Variants in IQSEC1 observed in about 807,000 individuals in gnomAD.
IQSEC1 encodes IQ motif and Sec7 domain ArfGEF 1.
IQSEC1 carries 31 observed loss-of-function variants against 91.0 expected under a neutral mutation model. The observed-to-expected ratio is 0.34, with a 90% CI of 0.26 to 0.46. IQSEC1 has a LOEUF of 0.46. IQSEC1 is among the 20% of genes least tolerant of loss of function. IQSEC1 has a pLI of 1.00. For missense variants in IQSEC1, 1,388 were observed against 1,575.6 expected (o/e 0.88, Z 2.02); for synonymous variants, 699 against 662.6 (o/e 1.05, Z -0.84).
intron 2 of IQSEC1, among the ~76,000 whole-genome samples, chr3:13,111,933 C>T (rs948184431): frequency 6.6e-5 from 10 of 152,202 alleles, no homozygotes; most frequent in African/African-American, 2.4e-4. Context: ...CAGACTAATA[C>T]ACTGGGTGAT....
intron 1 of IQSEC1, among the ~76,000 whole-genome samples, chr3:13,057,420 AAC>A (rs1476056270): frequency 4.6e-5 from 7 of 152,196 alleles, no homozygotes; most frequent in Non-Finnish European, 8.8e-5. Flanking sequence ...CTCAACCCAC[AAC>A]ACACACTCAG....
intron 1 of IQSEC1, among the ~76,000 whole-genome samples, chr3:13,172,804 G>T (rs904680835): frequency 3.3e-5 from 5 of 152,166 alleles, no homozygotes; most frequent in Non-Finnish European, 7.3e-5. Flanking sequence ...CGGCCAGTAC[G>T]GTGAGCTCTG....
At chr3:13,036,707 C>T (rs928416224) in intron 1 of IQSEC1, among the ~76,000 whole-genome samples, 5 of 152,190 alleles carry the variant, frequency 3.3e-5, no homozygotes, top group South Asian at 2.1e-4. Context: ...CTTGGAATCC[C>T]GTCCACTGAG....
intron 1 of IQSEC1, among the ~76,000 whole-genome samples, chr3:13,046,456 C>T (rs955174728): frequency 6.6e-6 from 1 of 152,234 alleles, no homozygotes; most frequent in African/African-American, 2.4e-5. Flanking sequence ...GTTTCAGAGT[C>T]GGTCGCTCTG....
At chr3:13,231,741 C>T (rs182363921) in intron 1 of IQSEC1, among the ~76,000 whole-genome samples, 2 of 152,300 alleles carry the variant, frequency 1.3e-5, no homozygotes, top group African/African-American at 4.8e-5. Context: ...ATGCCAAGAC[C>T]CTAACTCTGA....
chr3:13,089,364 G>T (rs1705797627), intron 2 of IQSEC1, among the ~76,000 whole-genome samples: 3 of 152,214 alleles, frequency 2.0e-5, no homozygotes, highest in African/African-American at 7.2e-5. Context: ...AGAATTACTT[G>T]AGCCCAGGAG....
chr3:13,211,663 C>T lies in IQSEC1; in HGVS notation c.273-47530G>A, dbSNP rs1366512619. On this transcript the variant is annotated intron_variant, in intron 1 of 15. Coordinates refer to the IQSEC1 transcript ENST00000648114. The surrounding 1 kb of genome is among the most constrained non-coding windows in gnomAD (Gnocchi z 5.3). ...CCTATCCCTGAAGGCCAGGCCAGGA[C>T]CCACGAACTGGCACCACCCCAGCCC... Among the ~76,000 whole-genome samples the T allele has an allele frequency of 1.3e-5, 2 of 152,194 alleles. No individual in the cohort carries two copies. The highest frequency in any genetic ancestry group is 4.8e-5 in the African/African-American group (2 of 41,452).
rs375815768 is a variant in IQSEC1 at position 13,170,324 on chromosome 3, C to A, written c.273-6191G>T. Among the ~76,000 whole-genome samples, 26 of 152,362 alleles carry A rather than the reference C, an allele frequency of 1.7e-4. 3 individuals carry two copies. Among genetic ancestry groups the A allele is most frequent in the Admixed American group, 8.5e-4 (13 of 15,306 alleles). ...CTAGATTTCAGAGGATGTATGGAAA[C>A]GCATGGATGCCCAGGCAGAAGTTTG... is the stretch of plus-strand genomic sequence containing the variant. On this transcript the variant is annotated intron_variant, in intron 1 of 15. Transcript: ENST00000648114.
Position 12,922,045 on chromosome 3 carries a change from G to C in IQSEC1, c.1853+75C>G, listed in dbSNP as rs1052467801. The C allele has an allele frequency of 3.2e-5, 47 of 1,476,312 alleles. No individual in the cohort carries two copies. Among genetic ancestry groups the C allele is most frequent in the Non-Finnish European group, 4.3e-5 (47 of 1,104,014 alleles). 91.5% of individuals were successfully genotyped at this position (1,476,312 alleles called of 1,614,324 possible). On this transcript the variant is annotated intron_variant, in intron 5 of 13. Coordinates refer to ENST00000613206, the MANE Select transcript of IQSEC1 (RefSeq NM_001134382.3). This position sits in a 1 kb window ranked among gnomAD's most constrained non-coding sequence, Gnocchi z 5.1. ...AGGGATGGTGGGGATGCAGTCTTTG[G>C]TCCATCCTCGGGCCCTGAAGCTGGG...
chr3:13,036,268 C>T (rs1704031957), intron 1 of IQSEC1, among the ~76,000 whole-genome samples: 1 of 152,086 alleles, frequency 6.6e-6, no homozygotes, highest in South Asian at 2.1e-4. Flanking sequence ...TGATAAACTG[C>T]ACTCCATTTC....
At chr3:13,245,296 T>C (rs1465139512) in intron 1 of IQSEC1, among the ~76,000 whole-genome samples, 2 of 152,130 alleles carry the variant, frequency 1.3e-5, no homozygotes, top group African/African-American at 2.4e-5. Context: ...ACCGATGCAG[T>C]GTTAGGGCTC....
chr3:12,967,939 G>GGGGCC lies in IQSEC1; in HGVS notation c.24-26079_24-26075dup, dbSNP rs1319411729. 6.6e-6 allele frequency among the ~76,000 whole-genome samples: 1 copy of GGGGCC among 151,796 alleles called. No individual in the cohort carries two copies. Among genetic ancestry groups the GGGGCC allele is most frequent in the Non-Finnish European group, 1.5e-5 (1 of 67,784 alleles). ...CAGGGGCGGGGCTACGCGCAGGGGC[G>GGGGCC]GGGCCGAGCCGAGGCGCGGGGTGCA... On this transcript the variant is annotated intron_variant, in intron 1 of 13. Coordinates refer to ENST00000613206, the MANE Select transcript of IQSEC1 (RefSeq NM_001134382.3). The surrounding 1 kb of genome is among the most constrained non-coding windows in gnomAD (Gnocchi z 5.9).
chr3:13,040,599 T>C (rs989332268), intron 1 of IQSEC1, among the ~76,000 whole-genome samples: 2 of 152,208 alleles, frequency 1.3e-5, no homozygotes, highest in Non-Finnish European at 2.9e-5. Context: ...AGATCCTTCA[T>C]GGGCTCCCCA....
chr3:12,906,793 A>C (rs1695035724), intron 12 of IQSEC1, among the ~76,000 whole-genome samples: 1 of 152,246 alleles, frequency 6.6e-6, no homozygotes, highest in Non-Finnish European at 1.5e-5. Flanking sequence ...CGGTTCTGGC[A>C]GAACTGCTGC....
chr3:13,159,479 G>A (rs1483474233), intron 2 of IQSEC1, among the ~76,000 whole-genome samples: 1 of 152,144 alleles, frequency 6.6e-6, no homozygotes, highest in Non-Finnish European at 1.5e-5. Flanking sequence ...AGTGAGGCAT[G>A]AAAGGGATAG....
At position 13,100,277 on chromosome 3, in the gene IQSEC1, CT is replaced by C. The variant is rs768975327; in HGVS notation, c.303-52756del. Among the ~76,000 whole-genome samples, 10 of 148,226 alleles carry C rather than the reference CT, an allele frequency of 6.7e-5. 1 individual carries two copies. The highest frequency in any genetic ancestry group is 1.2e-4 in the Non-Finnish European group (8 of 67,034). ...CCAAAACAGAAGAATTGGCTGGCTC[CT>C]TCCTCTCTTGTTACCACACTCTTCC... On this transcript the variant is annotated intron_variant, in intron 2 of 15. Coordinates refer to the IQSEC1 transcript ENST00000648114.
intron 1 of IQSEC1, among the ~76,000 whole-genome samples, chr3:13,061,149 T>C (rs961205490): frequency 6.6e-6 from 1 of 152,146 alleles, no homozygotes; most frequent in African/African-American, 2.4e-5. Context: ...GTGCAGTTCC[T>C]ACCCCTCGGT....
At position 12,899,651 on chromosome 3, in the gene IQSEC1, T is replaced by G. The variant is rs1171714684; in HGVS notation, c.*1332A>C. ...ACGGGCCACGGTGAGGACACAGGGG[T>G]TCTGCTAGCACATGGCTACATGGAA... is the stretch of plus-strand genomic sequence containing the variant. On this transcript the variant is annotated 3_prime_UTR_variant, in exon 14 of 14. Coordinates refer to ENST00000613206, the MANE Select transcript of IQSEC1 (RefSeq NM_001134382.3). 1 of 985,176 alleles carries G rather than the reference T, an allele frequency of 1.0e-6. No individual in the cohort carries two copies. The highest frequency in any genetic ancestry group is 1.2e-6 in the Non-Finnish European group (1 of 829,920). The allele number at this position is 985,176 out of a possible 1,614,324, so 61.0% of individuals were successfully genotyped here. A position where few individuals can be genotyped will look rare whatever the true frequency, so the allele number is the denominator to read the frequency against.
At chr3:13,218,544 C>A (rs1212802586) in intron 1 of IQSEC1, among the ~76,000 whole-genome samples, 2 of 152,220 alleles carry the variant, frequency 1.3e-5, no homozygotes, top group Non-Finnish European at 2.9e-5. Flanking sequence ...TGCACTAACA[C>A]ACAAGATGCT....
Sources: gnomAD v4.1 joint callset for allele counts (sites outside exome capture counted in the v4.1 genomes callset) on GRCh38, gnomAD v4.1.1 for gene constraint, Gnocchi (gnomAD v3.1) non-coding constraint, MANE v1.5 for transcripts, NCBI Gene and HGNC (gene_info 2026-07-23, HGNC 2026-07-21) for gene names.